The following GPC5 variants were observed in gnomAD, a reference collection of about 807,000 sequenced individuals.
The protein encoded by GPC5 is glypican-5.
Under a neutral mutation model 53.9 loss-of-function variants are expected in GPC5, and 47 were observed. That is an observed-to-expected ratio of 0.87 (90% CI 0.69 to 1.11). The LOEUF (loss-of-function observed/expected upper bound fraction) is 1.11. Ranked by LOEUF, GPC5 falls within the 50% of genes most tolerant of loss-of-function variation. The pLI is 0.00. For missense variants in GPC5, 748 were observed against 713.1 expected, an observed-to-expected ratio of 1.05 and a Z score of -0.56; for synonymous variants, 286 against 263.3, an observed-to-expected ratio of 1.09 and a Z score of -0.84.
At chr13:91,664,420 T>C (rs1432979240) in intron 2 of GPC5, among the ~76,000 whole-genome samples, 2 of 152,246 alleles carry the variant, frequency 1.3e-5, no homozygotes, top group African/African-American at 4.8e-5. Flanking sequence ...ATTTGTCCCT[T>C]GTGTTTTGTC....
In GPC5 at chr13:91,572,042, TAC is replaced by T. The variant is rs1491557765; in HGVS notation, c.326-121139_326-121138del. ...ATATACGTGTGTATATATGTGTATA[TAC>T]ACACATATGTATATATACATGTATA... On this transcript the variant is annotated intron_variant, in intron 2 of 7. Coordinates refer to ENST00000377067, the MANE Select transcript of GPC5 (RefSeq NM_004466.6). Among the ~76,000 whole-genome samples the T allele has an allele frequency of 6.2e-4, 69 of 111,588 alleles. 2 individuals are homozygous for T. The highest frequency in any genetic ancestry group is 4.3e-4 in the Non-Finnish European group (24 of 55,918). The allele number at this position is 111,588 out of a possible 152,430, so 73.2% of individuals were successfully genotyped here. A position where few individuals can be genotyped will look rare whatever the true frequency, so the allele number is the denominator to read the frequency against.
At chr13:92,758,992 CG>C (rs1875034818) in intron 7 of GPC5, among the ~76,000 whole-genome samples, 2 of 71,728 alleles carry the variant, frequency 2.8e-5, no homozygotes, top group East Asian at 6.3e-4. Context: ...TTTCCCATTG[CG>C]GTTTTTTTTT....
chr13:92,459,859 T>A (rs1044712457), intron 7 of GPC5, among the ~76,000 whole-genome samples: 1 of 152,172 alleles, frequency 6.6e-6, no homozygotes, highest in African/African-American at 2.4e-5. Context: ...AACTTTAGCT[T>A]TTTTAAAAAA....
intron 1 of GPC5, among the ~76,000 whole-genome samples, chr13:91,421,691 G>C (rs1160894664): frequency 6.6e-6 from 1 of 152,184 alleles, no homozygotes; most frequent in Non-Finnish European, 1.5e-5. Context: ...GCTGTAACTT[G>C]TAAAAGAAAA....
At chr13:91,955,921 C>T (rs937569936) in intron 6 of GPC5, among the ~76,000 whole-genome samples, 7 of 152,184 alleles carry the variant, frequency 4.6e-5, no homozygotes, top group Admixed American at 6.5e-5. Flanking sequence ...GAGCAGTTTA[C>T]AAGCACCCTG....
intron 7 of GPC5, among the ~76,000 whole-genome samples, chr13:92,405,676 A>G (rs1594174238): frequency 1.3e-5 from 2 of 152,318 alleles, no homozygotes; most frequent in South Asian, 2.1e-4. Flanking sequence ...TATCTTATTT[A>G]TGATAACTGA....
intron 6 of GPC5, among the ~76,000 whole-genome samples, chr13:92,142,717 T>G (rs2041840484): frequency 6.6e-6 from 1 of 152,172 alleles, no homozygotes; most frequent in Non-Finnish European, 1.5e-5. Flanking sequence ...ATATACACTG[T>G]TGGTGGTGTT....
intron 6 of GPC5, among the ~76,000 whole-genome samples, chr13:92,104,594 T>G (rs917492021): frequency 4.6e-5 from 7 of 152,132 alleles, no homozygotes; most frequent in Non-Finnish European, 1.0e-4. Context: ...TACTTTATGG[T>G]AGGTATCATC....
At chr13:91,940,449 G>T (rs2039915862) in intron 6 of GPC5, among the ~76,000 whole-genome samples, 1 of 152,060 alleles carries the variant, frequency 6.6e-6, no homozygotes, top group South Asian at 2.1e-4. Context: ...GTGCTGCAAT[G>T]AATGTATAAG....
At chr13:92,466,527 G>C (rs576877392) in intron 7 of GPC5, among the ~76,000 whole-genome samples, 34 of 151,706 alleles carry the variant, frequency 2.2e-4, no homozygotes, top group Non-Finnish European at 3.8e-4. Flanking sequence ...TGTATCACTT[G>C]AGATTTTGAC....
intron 3 of GPC5, among the ~76,000 whole-genome samples, chr13:91,700,903 T>G (rs1055694646): frequency 1.3e-5 from 2 of 152,206 alleles, no homozygotes; most frequent in Admixed American, 6.5e-5. Flanking sequence ...TAGTGATTCT[T>G]TTGAATTTTT....
intron 6 of GPC5, among the ~76,000 whole-genome samples, chr13:92,010,066 G>A (rs1421388851): frequency 6.6e-6 from 1 of 152,138 alleles, no homozygotes; most frequent in African/African-American, 2.4e-5. Context: ...GATAATATAA[G>A]CTTGGCAGAC....
At chr13:91,498,251 T>TC (rs1227931997) in intron 2 of GPC5, among the ~76,000 whole-genome samples, 1 of 151,220 alleles carries the variant, frequency 6.6e-6, no homozygotes, top group Non-Finnish European at 1.5e-5. Context: ...TTTTTTTTTT[T>TC]TTTTTTTTGC....
At chr13:92,631,756 A>G (rs888094348) in intron 7 of GPC5, among the ~76,000 whole-genome samples, 1 of 152,182 alleles carries the variant, frequency 6.6e-6, no homozygotes, top group African/African-American at 2.4e-5. Context: ...TGGGGGTGTC[A>G]ATATGATGCC....
chr13:92,419,903 C>T (rs1457250211), intron 7 of GPC5, among the ~76,000 whole-genome samples: 1 of 152,080 alleles, frequency 6.6e-6, no homozygotes, highest in African/African-American at 2.4e-5. Context: ...CACCTGAGGT[C>T]TTTGTCTGAA....
At chr13:92,368,635 A>T (rs1436807191) in intron 7 of GPC5, among the ~76,000 whole-genome samples, 8 of 28,150 alleles carry the variant, frequency 2.8e-4, no homozygotes, top group South Asian at 1.4e-3. Flanking sequence ...AGACTGTCTT[A>T]AAAAAAAAAA....
intron 6 of GPC5, among the ~76,000 whole-genome samples, chr13:92,051,349 A>G (rs979793116): frequency 6.6e-6 from 1 of 151,642 alleles, no homozygotes; most frequent in Non-Finnish European, 1.5e-5. Flanking sequence ...CTACAGGCGC[A>G]CACCACCACG....
At chr13:91,964,190 G>T (rs1416664828) in intron 6 of GPC5, among the ~76,000 whole-genome samples, 1 of 152,202 alleles carries the variant, frequency 6.6e-6, no homozygotes, top group Admixed American at 6.5e-5. Context: ...TTCACAGTGA[G>T]TGTTACAGCT....
intron 7 of GPC5, among the ~76,000 whole-genome samples, chr13:92,351,329 C>A (rs1402004273): frequency 6.6e-5 from 10 of 151,546 alleles, no homozygotes; most frequent in Non-Finnish European, 1.5e-4. Flanking sequence ...AATTGATACA[C>A]TTTTGAAATA....
Sources: allele counts gnomAD v4.1 joint callset (sites outside exome capture counted in the v4.1 genomes callset), GRCh38; gene constraint gnomAD v4.1.1; transcripts MANE v1.5; gene names NCBI Gene and HGNC (gene_info 2026-07-23, HGNC 2026-07-21).